Variants in METAP2 observed in about 807,000 individuals in gnomAD.
METAP2 encodes methionine aminopeptidase 2.
Under a neutral mutation model 59.4 loss-of-function variants are expected in METAP2, and 25 were observed. That is an observed-to-expected ratio of 0.42 (90% CI 0.31 to 0.59). The LOEUF is 0.59. Among genes scored for constraint, METAP2 ranks in the 20% least tolerant of loss-of-function variants. The pLI is 0.16. For missense variants in METAP2, 366 were observed against 581.2 expected, an observed-to-expected ratio of 0.63 and a Z score of 3.81; for synonymous variants, 214 against 194.1, an observed-to-expected ratio of 1.10 and a Z score of -0.85.
At chr12:95,498,271 CTT>C (rs1417902093) in intron 7 of METAP2, among the ~76,000 whole-genome samples, 1 of 152,092 alleles carries the variant, frequency 6.6e-6, no homozygotes. Flanking sequence ...CTGCCCAGCT[CTT>C]TGCCTGCTTT....
At chr12:95,494,918 T>C in intron 5 of METAP2, 39 bp from the exon 6 acceptor site, 2 of 1,552,302 alleles carry the variant, frequency 1.3e-6, no homozygotes, top group Non-Finnish European at 1.8e-6. Flanking sequence ...AAAGTAAGAA[T>C]GTAAAAGTAA....
chr12:95,503,967 G>A (rs1594433234), intron 7 of METAP2, 98 bp from the exon 8 acceptor site: 2 of 846,350 alleles, frequency 2.4e-6, no homozygotes, highest in Middle Eastern at 3.5e-4. Flanking sequence ...GTACAAAGCA[G>A]TTTTTCTGAT....
At chr12:95,474,433 A>T in intron 1 of METAP2, 103 bp downstream of exon 1, 1 of 1,279,932 alleles carries the variant, frequency 7.8e-7, no homozygotes, top group Non-Finnish European at 1.1e-6. Flanking sequence ...AGCCCCGACT[A>T]GACTGATTCT....
intron 7 of METAP2, 34 bp from the exon 8 acceptor site, chr12:95,504,031 T>A (rs528736837): frequency 6.5e-7 from 1 of 1,541,472 alleles, no homozygotes; most frequent in South Asian, 1.2e-5. Context: ...ATTTTGCACT[T>A]TGAATAATAA....
intron 8 of METAP2, among the ~76,000 whole-genome samples, chr12:95,509,025 C>G (rs1263775026): frequency 6.6e-6 from 1 of 152,096 alleles, no homozygotes; most frequent in Non-Finnish European, 1.5e-5. Flanking sequence ...CACAAACGGG[C>G]CATCAAAGGA....
At position 95,514,088 on chromosome 12, in the gene METAP2, G is replaced by T; in HGVS notation, c.*184G>T. ...TCTAATGTAATTAACCAACGAAAAA[G>T]CTTTCCGGACTTTTAAATGCTAACT... is the stretch of plus-strand genomic sequence containing the variant. On this transcript the variant is annotated 3_prime_UTR_variant, in exon 11 of 11. Coordinates refer to ENST00000323666, the MANE Select transcript of METAP2 (RefSeq NM_006838.4). 1 of 636,444 alleles carries T rather than the reference G, an allele frequency of 1.6e-6. No individual in the cohort carries two copies. The highest frequency in any genetic ancestry group is 2.4e-6 in the Non-Finnish European group (1 of 411,132). The allele number at this position is 636,444 out of a possible 1,614,324, so 39.4% of individuals were successfully genotyped here.
In METAP2 at chr12:95,482,825, C is replaced by A. The variant is rs555125896; in HGVS notation, c.260-390C>A. 3.3e-5 allele frequency among the ~76,000 whole-genome samples: 5 copies of A among 152,100 alleles called. No individual in the cohort carries two copies. The East Asian group carries it at 9.7e-4, about 29-fold the overall frequency. On this transcript the variant is annotated intron_variant, in intron 2 of 10. Coordinates refer to ENST00000323666, the MANE Select transcript of METAP2 (RefSeq NM_006838.4). ...AAAGAAAAGAAGTGGCAATTTTGACCAAAAATGGTCAAGTATTGGCATTTT... is the reference window on the plus strand; with the variant it reads ...AAAGAAAAGAAGTGGCAATTTTGACAAAAAATGGTCAAGTATTGGCATTTT...
intron 1 of METAP2, among the ~76,000 whole-genome samples, chr12:95,475,543 T>G (rs1393388276): frequency 6.6e-6 from 1 of 152,248 alleles, no homozygotes; most frequent in Non-Finnish European, 1.5e-5. Flanking sequence ...ATTGCTCTTA[T>G]AGGTAGGTTA....
chr12:95,486,115 G>C (rs2076194771), intron 4 of METAP2, 134 bp downstream of exon 4: 2 of 618,054 alleles, frequency 3.2e-6, no homozygotes, highest in African/African-American at 2.0e-5. Context: ...AGAAGATACA[G>C]TAGAAGCCCT....
intron 8 of METAP2, among the ~76,000 whole-genome samples, chr12:95,506,511 G>C (rs1381511048): frequency 6.6e-6 from 1 of 151,828 alleles, no homozygotes; most frequent in Non-Finnish European, 1.5e-5. Context: ...ATATTTGCCA[G>C]GATGGTCTCA....
chr12:95,479,372 T>G (rs754045735), intron 2 of METAP2, among the ~76,000 whole-genome samples: 2 of 152,124 alleles, frequency 1.3e-5, no homozygotes, highest in Non-Finnish European at 2.9e-5. Context: ...GGTGACAGAA[T>G]GTTGGTGCTG....
chr12:95,486,501 C>CT (rs796963696), intron 4 of METAP2, among the ~76,000 whole-genome samples: 166 of 142,566 alleles, frequency 1.2e-3, no homozygotes, highest in East Asian at 2.8e-3. Flanking sequence ...TTTAATGTTA[C>CT]TTTTTTTTTT....
At chr12:95,496,710 A>G (rs1379909200) in intron 7 of METAP2, among the ~76,000 whole-genome samples, 3 of 151,396 alleles carry the variant, frequency 2.0e-5, no homozygotes, top group African/African-American at 7.3e-5. Context: ...CTGTCCACCA[A>G]ACTCTGGTAC....
At chr12:95,497,111 C>T (rs1251533983) in intron 7 of METAP2, among the ~76,000 whole-genome samples, 2 of 152,160 alleles carry the variant, frequency 1.3e-5, no homozygotes, top group Non-Finnish European at 2.9e-5. Flanking sequence ...AGGCGTGATT[C>T]ACCGCGCCTG....
At position 95,515,370 on chromosome 12, in the gene METAP2, C is replaced by T. The variant is rs2076439952; in HGVS notation, c.*1466C>T. ...CACATTTGACTAATGTCTCCATTCT[C>T]TGTGATGCTGTGGCTAGCAGCAGAG... On this transcript the variant is annotated 3_prime_UTR_variant, in exon 11 of 11. Coordinates refer to ENST00000323666, the MANE Select transcript of METAP2 (RefSeq NM_006838.4). 6.6e-6 allele frequency: 1 copy of T among 152,232 alleles called. No individual in the cohort carries two copies. The highest frequency in any genetic ancestry group is 1.5e-5 in the Non-Finnish European group (1 of 68,048). 9.4% of individuals were successfully genotyped at this position (152,232 alleles called of 1,614,324 possible).
intron 8 of METAP2, among the ~76,000 whole-genome samples, chr12:95,507,302 C>T (rs185375854): frequency 6.6e-6 from 1 of 152,358 alleles, no homozygotes; most frequent in Admixed American, 6.5e-5. Flanking sequence ...ATTCTGTCCC[C>T]TTCTCACCCC....
chr12:95,515,171 T>C lies in METAP2; in HGVS notation c.*1267T>C, dbSNP rs1437792726. 6.5e-6 allele frequency: 1 copy of C among 152,694 alleles called. No individual in the cohort carries two copies. The highest frequency in any genetic ancestry group is 1.9e-4 in the East Asian group (1 of 5,208). The allele number at this position is 152,694 out of a possible 1,614,324, so 9.5% of individuals were successfully genotyped here. ...GGGATGCTGTTTAGTTTGTATTTTG[T>C]TGAACGTTTTTATCCTAGGAAGAGA... On this transcript the variant is annotated 3_prime_UTR_variant, in exon 11 of 11. Coordinates refer to ENST00000323666, the MANE Select transcript of METAP2 (RefSeq NM_006838.4).
chr12:95,493,218 G>C (rs966900124), intron 4 of METAP2, among the ~76,000 whole-genome samples: 1 of 152,148 alleles, frequency 6.6e-6, no homozygotes, highest in Admixed American at 6.6e-5. Context: ...GCTCACGCCT[G>C]TAATCCCAGC....
intron 4 of METAP2, among the ~76,000 whole-genome samples, chr12:95,488,380 G>A (rs537009750): frequency 9.2e-5 from 14 of 151,674 alleles, no homozygotes; most frequent in Non-Finnish European, 1.6e-4. Flanking sequence ...GCAGTGGTGC[G>A]TGCCTGTAAT....
Sources: allele counts gnomAD v4.1 joint callset (sites outside exome capture counted in the v4.1 genomes callset), GRCh38; gene constraint gnomAD v4.1.1; transcripts MANE v1.5; gene names NCBI Gene and HGNC (gene_info 2026-07-23, HGNC 2026-07-21).